PRAG1: variants seen among roughly 807,000 people sequenced by gnomAD.
PRAG1 encodes inactive tyrosine-protein kinase PRAG1.
PRAG1 carries 110 observed loss-of-function variants against 95.6 expected under a neutral mutation model. The ratio of observed to expected loss-of-function variants is 1.15; its 90% CI spans 0.99 to 1.35. The LOEUF is 1.35. Ranked by LOEUF, PRAG1 falls within the 40% of genes most tolerant of loss-of-function variation. The pLI, the probability that PRAG1 is intolerant of heterozygous loss-of-function variation, is 0.00. For missense variants in PRAG1, 2,554 were observed against 1,864.7 expected (o/e 1.37, Z -6.81); for synonymous variants, 1,052 against 819.4 (o/e 1.28, Z -4.85).
chr8:8,344,254 C>T (rs1328878692), intron 3 of PRAG1, among the ~76,000 whole-genome samples: 2 of 152,058 alleles, frequency 1.3e-5, no homozygotes, highest in Non-Finnish European at 2.9e-5. Context: ...GGAATGAAAA[C>T]ATTGTGGTAT....
At chr8:8,347,697 C>A (rs1799390700) in intron 3 of PRAG1, among the ~76,000 whole-genome samples, 1 of 152,184 alleles carries the variant, frequency 6.6e-6, no homozygotes, top group Non-Finnish European at 1.5e-5. Flanking sequence ...GTGCCAAGCG[C>A]TGTTAGGTGT....
intron 3 of PRAG1, among the ~76,000 whole-genome samples, chr8:8,343,844 C>T (rs957344988): frequency 6.6e-6 from 1 of 152,060 alleles, no homozygotes; most frequent in African/African-American, 2.4e-5. Flanking sequence ...TGGTCTTGAC[C>T]AGCCTTGTCC....
chr8:8,341,304 A>G (rs1799154981), intron 3 of PRAG1, among the ~76,000 whole-genome samples: 1 of 152,252 alleles, frequency 6.6e-6, no homozygotes, highest in South Asian at 2.1e-4. Context: ...ATGTGTATGT[A>G]TGAGCATATA....
At position 8,371,864 on chromosome 8, in the gene PRAG1, C is replaced by G. The variant is rs529034671; in HGVS notation, c.2162+4383G>C. The stretch of plus-strand genomic sequence containing the variant: ...TGGGCGGCAGAGTGAGATTCTGTCT[C>G]AAAACGAAACACACAAAAAACAAAG... On this transcript the variant is annotated intron_variant, in intron 3 of 5. Coordinates refer to ENST00000615670, the MANE Select transcript of PRAG1 (RefSeq NM_001080826.3). 1.1e-3 allele frequency among the ~76,000 whole-genome samples: 169 copies of G among 152,220 alleles called. 2 individuals carry two copies. The South Asian group carries it at 0.013, about 11-fold the overall frequency.
chr8:8,358,003 C>G (rs1368523684), intron 3 of PRAG1, among the ~76,000 whole-genome samples: 7 of 152,178 alleles, frequency 4.6e-5, no homozygotes, highest in African/African-American at 1.7e-4. Context: ...CACTATCTAC[C>G]TAGAGGTAGA....
In PRAG1 at chr8:8,318,507, G is replaced by C; in HGVS notation, c.3868C>G (p.Leu1290Val). 1.2e-6 allele frequency: 2 copies of C among 1,611,482 alleles called. No homozygotes were observed. Among genetic ancestry groups the C allele is most frequent in the Non-Finnish European group, 1.7e-6 (2 of 1,179,514 alleles). The change falls in exon 6 of 6, where the codon CTG becomes GTG. Residue 1290 changes from leucine (L) to valine (V), a missense_variant. Physicochemically the swap from Leu to Val is conservative, Grantham distance 32 (BLOSUM62 1). Transcript: ENST00000615670. The surrounding 1 kb of genome is among the most constrained non-coding windows in gnomAD (Gnocchi z 4.2). ...RDYRQEDLPP[L>V]PALSLYSPGL... ...GGTGAGTAGAGGGACAGCGCGGGCA[G>C]CGGCGGCAGGTCCTCCTGCCGGTAG...
rs561121232 is a variant in PRAG1, at chr8:8,352,281, T to C, written c.2163-12646A>G. On this transcript the variant is annotated intron_variant, in intron 3 of 5. Transcript: ENST00000615670. Reference sequence around the variant, plus strand: ...CTCCCTGATCAATTCTTCACTCTCTTATCTGCATCTCAACAGGTCCAGCTC... The same window carrying C: ...CTCCCTGATCAATTCTTCACTCTCTCATCTGCATCTCAACAGGTCCAGCTC... 3.9e-5 allele frequency among the ~76,000 whole-genome samples: 6 copies of C among 152,308 alleles called. No individual in the cohort carries two copies. The South Asian group carries it at 1.2e-3, about 32-fold the overall frequency.
At chr8:8,349,262 CTATCTATT>C (rs1563240936) in intron 3 of PRAG1, among the ~76,000 whole-genome samples, 2 of 140,904 alleles carry the variant, frequency 1.4e-5, no homozygotes, top group African/African-American at 5.9e-5. Context: ...ATTTATCTAT[CTATCTATT>C]TATTTATTTA....
At chr8:8,350,757 T>A (rs1212456552) in intron 3 of PRAG1, among the ~76,000 whole-genome samples, 1 of 152,204 alleles carries the variant, frequency 6.6e-6, no homozygotes, top group Non-Finnish European at 1.5e-5. Flanking sequence ...AGGCCCTTAA[T>A]CTCTCTCTGT....
intron 3 of PRAG1, among the ~76,000 whole-genome samples, chr8:8,349,699 T>A (rs1039685301): frequency 6.6e-6 from 1 of 152,130 alleles, no homozygotes. Context: ...GGGGGCATGT[T>A]TTCCACCCGC....
intron 4 of PRAG1, among the ~76,000 whole-genome samples, chr8:8,332,641 C>T (rs1333209150): frequency 6.7e-6 from 1 of 149,820 alleles, no homozygotes; most frequent in Non-Finnish European, 1.5e-5. Context: ...CCCACCACCT[C>T]CAGGCCACTC....
chr8:8,341,964 C>A (rs1173935350), intron 3 of PRAG1, among the ~76,000 whole-genome samples: 3 of 152,052 alleles, frequency 2.0e-5, no homozygotes, highest in Non-Finnish European at 2.9e-5. Context: ...AACCCCATCT[C>A]TACTAATCAT....
rs546098722 is a variant in PRAG1, at chr8:8,330,555, G to A, written c.2321-2094C>T. The stretch of plus-strand genomic sequence containing the variant: ...TGAGTGATTTATACCCCTTCCAGGA[G>A]GGCTCAAGTTAATAATAAATCAAGC... On this transcript the variant is annotated intron_variant, in intron 4 of 5. Transcript: ENST00000615670. 7.2e-5 allele frequency among the ~76,000 whole-genome samples: 11 copies of A among 152,292 alleles called. No individual in the cohort carries two copies. In the East Asian group the frequency reaches 2.1e-3, roughly 29 times the overall value.
chr8:8,340,834 T>G (rs2980490), intron 3 of PRAG1, among the ~76,000 whole-genome samples: 69,429 of 151,904 alleles, frequency 0.46, 19,240 homozygotes, highest in African/African-American at 0.79. Flanking sequence ...CTGTGTTAAA[T>G]CTGTCAAAAA....
intron 3 of PRAG1, among the ~76,000 whole-genome samples, chr8:8,346,740 A>G (rs1157350343): frequency 1.3e-5 from 2 of 152,160 alleles, no homozygotes; most frequent in Admixed American, 6.5e-5. Flanking sequence ...CACACTTTCC[A>G]TGGCTGTTAA....
At chr8:8,383,992 A>C (rs1585287857) in intron 1 of PRAG1, among the ~76,000 whole-genome samples, 2 of 152,162 alleles carry the variant, frequency 1.3e-5, no homozygotes, top group East Asian at 3.9e-4. Context: ...CACAGAAAGG[A>C]CACTGTCCAG....
At chr8:8,362,452 T>C (rs953958403) in intron 3 of PRAG1, among the ~76,000 whole-genome samples, 2 of 152,212 alleles carry the variant, frequency 1.3e-5, no homozygotes, top group African/African-American at 4.8e-5. Flanking sequence ...CTGTCCATCC[T>C]TTCCCGTGTT....
chr8:8,368,490 A>G (rs1481620742), intron 3 of PRAG1, among the ~76,000 whole-genome samples: 1 of 152,246 alleles, frequency 6.6e-6, no homozygotes, highest in African/African-American at 2.4e-5. Flanking sequence ...GAAATTTATT[A>G]CTGCAGAAAG....
chr8:8,361,098 CAGT>C (rs1799830722), intron 3 of PRAG1, among the ~76,000 whole-genome samples: 1 of 152,202 alleles, frequency 6.6e-6, no homozygotes. Flanking sequence ...GATCATCTAA[CAGT>C]AGCTTGAGTT....
Sources: allele counts gnomAD v4.1 joint callset (sites outside exome capture counted in the v4.1 genomes callset), GRCh38; gene constraint gnomAD v4.1.1; non-coding constraint Gnocchi (gnomAD v3.1); transcripts MANE v1.5; gene names NCBI Gene and HGNC (gene_info 2026-07-23, HGNC 2026-07-21).